Variants in GALNT14 observed in about 807,000 individuals in gnomAD.
GALNT14 encodes polypeptide N-acetylgalactosaminyltransferase 14.
GALNT14 carries 60 observed loss-of-function variants against 77.5 expected under a neutral mutation model. The observed-to-expected ratio is 0.77, with a 90% CI of 0.63 to 0.96. GALNT14 has a LOEUF of 0.96. Among genes scored for constraint, GALNT14 ranks in the 40% least tolerant of loss-of-function variants. The probability of loss-of-function intolerance (pLI) is 0.00; values close to 1 mark genes in which losing one functional copy is unlikely to be tolerated. For synonymous variants in GALNT14, 280 were observed against 281.7 expected, an observed-to-expected ratio of 0.99 and a Z score of 0.06; for missense variants, 710 against 731.0, an observed-to-expected ratio of 0.97 and a Z score of 0.33.
intron 1 of GALNT14, among the ~76,000 whole-genome samples, chr2:31,003,978 C>T (rs1670516068): frequency 6.6e-6 from 1 of 152,230 alleles, no homozygotes; most frequent in Non-Finnish European, 1.5e-5. Context: ...TTCTTATCAA[C>T]ACCCTGTAAA....
chr2:30,972,792 C>T (rs748537398), intron 2 of GALNT14, among the ~76,000 whole-genome samples: 1 of 152,168 alleles, frequency 6.6e-6, no homozygotes. Context: ...GCAGGTACAG[C>T]GACCTGTCCA....
intron 1 of GALNT14, among the ~76,000 whole-genome samples, chr2:31,054,239 A>G (rs562745963): frequency 6.6e-5 from 10 of 152,370 alleles, no homozygotes; most frequent in Admixed American, 3.3e-4. Flanking sequence ...GTAGTTTGCA[A>G]TAAGACTGAA....
At chr2:30,993,568 C>T (rs1482176540) in intron 1 of GALNT14, among the ~76,000 whole-genome samples, 1 of 152,224 alleles carries the variant, frequency 6.6e-6, no homozygotes, top group Non-Finnish European at 1.5e-5. Context: ...TGGTGTGCTA[C>T]TCACCACCAC....
chr2:31,117,140 A>C (rs1238112771), intron 1 of GALNT14, among the ~76,000 whole-genome samples: 1 of 152,250 alleles, frequency 6.6e-6, no homozygotes, highest in Non-Finnish European at 1.5e-5. Flanking sequence ...TAAAAACTTA[A>C]AAATTTTGAA....
chr2:31,066,354 A>G (rs1476565891), intron 1 of GALNT14, among the ~76,000 whole-genome samples: 1 of 141,412 alleles, frequency 7.1e-6, no homozygotes, highest in Non-Finnish European at 1.5e-5. Context: ...GGGCCTCGAC[A>G]GGGCCATTAC....
At chr2:31,095,231 C>T (rs1676941569) in intron 1 of GALNT14, among the ~76,000 whole-genome samples, 1 of 152,164 alleles carries the variant, frequency 6.6e-6, no homozygotes, top group Non-Finnish European at 1.5e-5. Context: ...AACACAAAGA[C>T]AACATGGGGT....
rs747816862 is a variant in GALNT14 at position 31,138,000 on chromosome 2, C to G, written c.87G>C (p.Arg29Ser). The part of the protein sequence containing the change: ...TVLLFFWVTK[R>S]KLEVPTGPEV... ...CAGGTCCCGTCGGCACCTCCAACTT[C>G]CTCTTGGTTACCCAGAAGAACAGCA... Residue 29 changes from arginine (R) to serine (S), a missense_variant, in exon 1 of 15, where the codon AGG becomes AGC. Transcript: ENST00000349752. 6.2e-7 allele frequency: 1 copy of G among 1,613,852 alleles called. No individual in the cohort carries two copies. The highest frequency in any genetic ancestry group is 1.1e-5 in the South Asian group (1 of 91,082).
At chr2:30,977,230 C>T (rs1307394189) in intron 2 of GALNT14, among the ~76,000 whole-genome samples, 1 of 152,068 alleles carries the variant, frequency 6.6e-6, no homozygotes, top group Non-Finnish European at 1.5e-5. Flanking sequence ...GTTGGGACTA[C>T]AGGCATGCGC....
At chr2:30,915,289 C>T (rs528099708) in intron 13 of GALNT14, among the ~76,000 whole-genome samples, 2 of 152,272 alleles carry the variant, frequency 1.3e-5, no homozygotes, top group South Asian at 4.1e-4. Context: ...TGCATTTGGG[C>T]ATCTGGTGTG....
chr2:30,988,263 G>C (rs796434672), intron 2 of GALNT14, among the ~76,000 whole-genome samples: 14 of 152,358 alleles, frequency 9.2e-5, no homozygotes, highest in African/African-American at 3.4e-4. Flanking sequence ...ATATCAGTAG[G>C]ACCTTAGCTG....
chr2:30,889,562 T>C, the GALNT14 span, among the ~76,000 whole-genome samples: 1 of 152,196 alleles, frequency 6.6e-6, no homozygotes, highest in East Asian at 1.9e-4. Context: ...CATGACCACC[T>C]TGTGGGTGAG....
At chr2:31,044,910 A>G (rs1245339301) in intron 1 of GALNT14, among the ~76,000 whole-genome samples, 1 of 151,890 alleles carries the variant, frequency 6.6e-6, no homozygotes, top group Admixed American at 6.6e-5. Context: ...GTAAGACTCC[A>G]TCTCAACAGA....
At chr2:31,027,886 C>CTCTGTGTGTGTGTGTG (rs1553361796) in intron 1 of GALNT14, among the ~76,000 whole-genome samples, 1 of 141,776 alleles carries the variant, frequency 7.1e-6, no homozygotes, top group African/African-American at 2.6e-5. Flanking sequence ...CAGATGTATT[C>CTCTGTGTGTGTGTGTG]TGTGTGTGTG....
intron 1 of GALNT14, chr2:31,132,793 C>T (rs550229772): frequency 7.3e-5 from 34 of 465,064 alleles, no homozygotes; most frequent in Non-Finnish European, 1.2e-4. Flanking sequence ...GTAGGACTAA[C>T]GAATTAGCCA....
chr2:30,912,166 C>G, intron 14 of GALNT14, 57 bp downstream of exon 14: 1 of 1,602,528 alleles, frequency 6.2e-7, no homozygotes, highest in South Asian at 1.1e-5. Flanking sequence ...ACTAAGCCCT[C>G]AACAGGCAGT....
chr2:31,121,327 A>T (rs10165977), intron 1 of GALNT14, among the ~76,000 whole-genome samples: 1 of 152,174 alleles, frequency 6.6e-6, no homozygotes, highest in South Asian at 2.1e-4. Context: ...GGTGAGGAAT[A>T]CAGAACATAC....
chr2:31,119,774 G>C (rs1348819732), intron 1 of GALNT14, among the ~76,000 whole-genome samples: 1 of 152,178 alleles, frequency 6.6e-6, no homozygotes, highest in African/African-American at 2.4e-5. Flanking sequence ...AGCAACAAGA[G>C]ATGAGAGATA....
chr2:31,043,882 G>C (rs1372600067), intron 1 of GALNT14, among the ~76,000 whole-genome samples: 2 of 152,130 alleles, frequency 1.3e-5, no homozygotes, highest in African/African-American at 4.8e-5. Flanking sequence ...ATACAACAGT[G>C]ATGAAATCAG....
In GALNT14 at chr2:31,017,024, T is replaced by C. The variant is rs116640365; in HGVS notation, c.130-24017A>G. Among the ~76,000 whole-genome samples, 666 of 152,350 alleles carry C rather than the reference T, an allele frequency of 4.4e-3. 5 individuals carry two copies. Among genetic ancestry groups the C allele is most frequent in the African/African-American group, 0.013 (535 of 41,572 alleles). On this transcript the variant is annotated intron_variant, in intron 1 of 14. Coordinates refer to ENST00000349752, the MANE Select transcript of GALNT14 (RefSeq NM_024572.4). ...AAACCCTGCAAGGCAAATAATGTGA[T>C]GATCACTTTATGGTTAAGCAAGGGT...
Sources: allele counts gnomAD v4.1 joint callset (sites outside exome capture counted in the v4.1 genomes callset), GRCh38; gene constraint gnomAD v4.1.1; transcripts MANE v1.5; gene names NCBI Gene and HGNC (gene_info 2026-07-23, HGNC 2026-07-21).